The following TCF12 variants were observed in gnomAD, a reference collection of about 807,000 sequenced individuals.
The protein encoded by TCF12 is transcription factor 12.
Under a neutral mutation model 86.0 loss-of-function variants are expected in TCF12, and 45 were observed. The ratio of observed to expected loss-of-function variants is 0.52; its 90% CI spans 0.41 to 0.67. TCF12 has a LOEUF of 0.67. Among genes scored for constraint, TCF12 ranks in the 30% least tolerant of loss-of-function variants. The pLI is 0.00. For synonymous variants in TCF12, 330 were observed against 299.6 expected (o/e 1.10, Z -1.05); for missense variants, 881 against 859.9 (o/e 1.02, Z -0.31).
intron 5 of TCF12, among the ~76,000 whole-genome samples, chr15:57,094,842 A>G (rs1218626540): frequency 2.0e-5 from 3 of 152,330 alleles, no homozygotes; most frequent in South Asian, 4.1e-4. Flanking sequence ...ATGTTCAGCC[A>G]TAAGCACATT....
At chr15:57,128,876 T>C (rs181498087) in intron 5 of TCF12, among the ~76,000 whole-genome samples, 1 of 152,380 alleles carries the variant, frequency 6.6e-6, no homozygotes, top group Non-Finnish European at 1.5e-5. Context: ...CATTTCTTTT[T>C]ATAGCTGAAT....
Position 57,286,258 on chromosome 15 carries a change from AAAAAC to A in TCF12, c.*120_*124del, listed in dbSNP as rs2061929907. 5.0e-6 allele frequency: 1 copy of A among 200,524 alleles called. No individual in the cohort carries two copies. The highest frequency in any genetic ancestry group is 1.0e-5 in the Non-Finnish European group (1 of 96,774). 12.4% of individuals were successfully genotyped at this position (200,524 alleles called of 1,614,324 possible). ...CACAAACCTGACAGGAGGGAGAAGA[AAAAAC>A]AAAACACTTGAACCAAGAAACTCAA... On this transcript the variant is annotated 3_prime_UTR_variant, in exon 21 of 21. Transcript: ENST00000333725.
intron 20 of TCF12, among the ~76,000 whole-genome samples, 155 bp downstream of exon 20, chr15:57,282,753 A>G (rs746308595): frequency 6.6e-6 from 1 of 152,260 alleles, no homozygotes; most frequent in African/African-American, 2.4e-5. Flanking sequence ...CTGTTACATT[A>G]TCAGACTTAG....
intron 16 of TCF12, among the ~76,000 whole-genome samples, chr15:57,253,887 C>A (rs1336697396): frequency 6.6e-6 from 1 of 152,064 alleles, no homozygotes; most frequent in Non-Finnish European, 1.5e-5. Flanking sequence ...ACTTTATTCC[C>A]GAACTGCGGG....
At chr15:57,097,611 A>C (rs949366809) in intron 5 of TCF12, among the ~76,000 whole-genome samples, 1 of 152,210 alleles carries the variant, frequency 6.6e-6, no homozygotes, top group African/African-American at 2.4e-5. Context: ...AAATGATTAT[A>C]AAGTGTCGAA....
At chr15:57,109,749 TAA>T (rs1425177823) in intron 5 of TCF12, among the ~76,000 whole-genome samples, 1 of 152,214 alleles carries the variant, frequency 6.6e-6, no homozygotes, top group Non-Finnish European at 1.5e-5. Flanking sequence ...ATAAAAATGT[TAA>T]AAGTTAAGGG....
rs7172162 is a variant in TCF12 at position 57,265,333 on chromosome 15, A to G, written c.1745+2059A>G. On this transcript the variant is annotated intron_variant, in intron 18 of 20. Coordinates refer to ENST00000333725, the MANE Select transcript of TCF12 (RefSeq NM_207037.2). ...TACTCCGGTTTCTTCCTTCACCCCA[A>G]AAATGTGCGTATTAGGTTGAGTAAT... Among the ~76,000 whole-genome samples, 633 of 151,950 alleles carry G rather than the reference A, an allele frequency of 4.2e-3. 3 individuals are homozygous for G. Among genetic ancestry groups the G allele is most frequent in the African/African-American group, 0.015 (608 of 41,418 alleles).
chr15:57,257,773 A>G (rs1192935656), intron 16 of TCF12, among the ~76,000 whole-genome samples: 2 of 151,852 alleles, frequency 1.3e-5, no homozygotes, highest in African/African-American at 2.4e-5. Flanking sequence ...TAGCAGTGTA[A>G]GGTCTACACG....
At chr15:56,962,132 C>CAAAAA (rs397853683) in intron 3 of TCF12, among the ~76,000 whole-genome samples, 2 of 63,010 alleles carry the variant, frequency 3.2e-5, no homozygotes, top group African/African-American at 5.5e-5. Context: ...GACTCCGTCT[C>CAAAAA]AAAAAAAAAA....
At chr15:57,101,057 A>G (rs1447795278) in intron 5 of TCF12, among the ~76,000 whole-genome samples, 1 of 152,024 alleles carries the variant, frequency 6.6e-6, no homozygotes, top group African/African-American at 2.4e-5. Flanking sequence ...CCTTATTTCC[A>G]CATCTCAGCT....
chr15:56,996,587 A>G (rs181234292), intron 3 of TCF12, among the ~76,000 whole-genome samples: 16 of 152,268 alleles, frequency 1.1e-4, no homozygotes, highest in African/African-American at 3.6e-4. Context: ...TTGGCAAGGA[A>G]TTTGTGGCTA....
chr15:56,971,931 A>C (rs1184062777), intron 3 of TCF12, among the ~76,000 whole-genome samples: 4 of 152,172 alleles, frequency 2.6e-5, no homozygotes. Flanking sequence ...GGGTATGACC[A>C]CTAGGGATAT....
intron 4 of TCF12, among the ~76,000 whole-genome samples, chr15:57,091,587 A>G (rs1437063381): frequency 6.6e-6 from 1 of 152,180 alleles, no homozygotes; most frequent in African/African-American, 2.4e-5. Context: ...TTTACGATCA[A>G]TAAAGAAAAT....
chr15:56,925,495 A>G (rs1373447593), intron 3 of TCF12, among the ~76,000 whole-genome samples: 1 of 152,198 alleles, frequency 6.6e-6, no homozygotes, highest in Non-Finnish European at 1.5e-5. Context: ...TCCAACCTTG[A>G]CTATAAACAA....
At chr15:57,254,632 G>A (rs1022105444) in intron 16 of TCF12, among the ~76,000 whole-genome samples, 3 of 151,968 alleles carry the variant, frequency 2.0e-5, no homozygotes, top group Admixed American at 1.3e-4. Context: ...AGGCCAAGGC[G>A]GGAGGATTGG....
chr15:57,206,050 G>C (rs1257466705), intron 8 of TCF12, among the ~76,000 whole-genome samples: 1 of 152,340 alleles, frequency 6.6e-6, no homozygotes, highest in South Asian at 2.1e-4. Flanking sequence ...TAAGATCTTA[G>C]AGACTTCACA....
intron 6 of TCF12, among the ~76,000 whole-genome samples, chr15:57,167,296 C>T (rs2054970799): frequency 2.0e-5 from 3 of 152,194 alleles, no homozygotes; most frequent in Admixed American, 6.5e-5. Context: ...CACGGTGGCT[C>T]ACGCCTGTAA....
chr15:57,140,459 A>G (rs2052876770), intron 5 of TCF12, among the ~76,000 whole-genome samples: 1 of 152,202 alleles, frequency 6.6e-6, no homozygotes, highest in South Asian at 2.1e-4. Context: ...CCTTTTATTC[A>G]ACAAATATTT....
intron 5 of TCF12, among the ~76,000 whole-genome samples, chr15:57,162,074 A>G (rs540704866): frequency 6.0e-4 from 91 of 152,198 alleles, no homozygotes; most frequent in Non-Finnish European, 1.1e-3. Context: ...GAGTGTAGTA[A>G]AAACCCTGTA....
Sources: gnomAD v4.1 joint callset for allele counts (sites outside exome capture counted in the v4.1 genomes callset) on GRCh38, gnomAD v4.1.1 for gene constraint, MANE v1.5 for transcripts, NCBI Gene and HGNC (gene_info 2026-07-23, HGNC 2026-07-21) for gene names.